AFF3: variants seen among roughly 807,000 people sequenced by gnomAD.
The protein encoded by AFF3 is AF4/FMR2 family member 3.
In AFF3, 32 loss-of-function variants were observed where a neutral mutation model predicts 129.7. The observed-to-expected ratio is 0.25, with a 90% confidence interval of 0.19 to 0.33. The LOEUF is 0.33. Among genes scored for constraint, AFF3 ranks in the 10% least tolerant of loss-of-function variants. AFF3 has a pLI of 1.00. For missense variants in AFF3, 1,373 were observed against 1,592.0 expected, an observed-to-expected ratio of 0.86 and a Z score of 2.34; for synonymous variants, 644 against 635.4, an observed-to-expected ratio of 1.01 and a Z score of -0.20.
chr2:99,755,908 G>A (rs1682059920), intron 8 of AFF3, among the ~76,000 whole-genome samples: 1 of 152,182 alleles, frequency 6.6e-6, no homozygotes. Flanking sequence ...AGAATCAATG[G>A]TAGGTCCATA....
intron 13 of AFF3, among the ~76,000 whole-genome samples, chr2:99,612,690 C>G (rs1681049255): frequency 6.6e-6 from 1 of 152,118 alleles, no homozygotes; most frequent in Admixed American, 6.5e-5. Flanking sequence ...TTTGCTGATG[C>G]TGGGTTTTGC....
intron 4 of AFF3, among the ~76,000 whole-genome samples, chr2:100,020,946 T>G (rs1404607113): frequency 6.6e-6 from 1 of 152,246 alleles, no homozygotes; most frequent in African/African-American, 2.4e-5. Flanking sequence ...GCCCTCAGGA[T>G]AGCATCTCAA....
intron 4 of AFF3, among the ~76,000 whole-genome samples, chr2:100,074,079 C>T (rs537326200): frequency 8.7e-4 from 133 of 152,318 alleles, no homozygotes; most frequent in African/African-American, 2.9e-3. Flanking sequence ...AACTCAGCCA[C>T]GGACCCAATG....
rs894805423 is a variant in AFF3 at position 99,593,512 on chromosome 2, T to A, written c.2149A>T (p.Ser717Cys). 2.5e-6 allele frequency: 4 copies of A among 1,613,204 alleles called. No homozygotes were observed. In the African/African-American group the frequency reaches 4.0e-5, roughly 16 times the overall value. The change falls in exon 15 of 25, where the codon AGT (serine) becomes TGT (cysteine). Residue 717 changes from serine to cysteine, a missense_variant. Coordinates refer to ENST00000672756, the MANE Select transcript of AFF3 (RefSeq NM_001386135.1). ...RLKEAAANGG[S>C]GPRAPVGSIN... ...GAGCCTACAGGGGCCCTAGGACCAC[T>A]GCCCCCGTTGGCAGCGGCCTCCTTC...
At chr2:100,100,867 G>C (rs1690673264) in intron 4 of AFF3, among the ~76,000 whole-genome samples, 1 of 152,242 alleles carries the variant, frequency 6.6e-6, no homozygotes, top group African/African-American at 2.4e-5. Flanking sequence ...GGAAGACCAG[G>C]GAGTGGAGGG....
intron 8 of AFF3, among the ~76,000 whole-genome samples, chr2:99,801,231 A>G (rs921384737): frequency 4.6e-5 from 7 of 152,162 alleles, no homozygotes; most frequent in African/African-American, 1.7e-4. Context: ...ACTTTCTGTA[A>G]GCTCCCAGCA....
intron 12 of AFF3, among the ~76,000 whole-genome samples, chr2:99,667,852 A>G (rs560909059): frequency 6.6e-6 from 1 of 152,246 alleles, no homozygotes; most frequent in East Asian, 1.9e-4. Context: ...GAGTAGCTCT[A>G]TAACTATTAA....
chr2:99,878,693 C>T (rs1692477020), intron 7 of AFF3, among the ~76,000 whole-genome samples: 1 of 152,040 alleles, frequency 6.6e-6, no homozygotes, highest in Admixed American at 6.6e-5. Context: ...CATCAATTCC[C>T]TAAGAAAACT....
chr2:100,052,577 C>T (rs1385700589), intron 4 of AFF3, among the ~76,000 whole-genome samples: 2 of 152,174 alleles, frequency 1.3e-5, no homozygotes, highest in Non-Finnish European at 2.9e-5. Context: ...TGTCCCCACT[C>T]TATGTGCAGG....
intron 4 of AFF3, among the ~76,000 whole-genome samples, chr2:100,103,120 T>C (rs1690871313): frequency 6.6e-6 from 1 of 152,236 alleles, no homozygotes; most frequent in Non-Finnish European, 1.5e-5. Context: ...GCTAGCTTTG[T>C]GTCCAGTTTA....
chr2:100,007,250 T>C lies in AFF3; in HGVS notation c.385A>G (p.Thr129Ala). Residue 129 changes from threonine to alanine, a missense_variant, in exon 6 of 25, where the codon ACA becomes GCA. Transcript: ENST00000672756. ...GGGACAGCTGCTGGTGTGGAAGTTG[T>C]AGTGCTACAGATAGACGAGGGCTGG... Reference protein sequence around the residue: ...QNQPSSICSTTTSTPAAVPVQ... With the variant: ...QNQPSSICSTATSTPAAVPVQ... 13 of 1,614,140 alleles carry C rather than the reference T, an allele frequency of 8.1e-6. No homozygotes were observed. The highest frequency in any genetic ancestry group is 1.0e-5 in the Non-Finnish European group (12 of 1,180,030).
At chr2:99,826,230 G>T (rs1688070079) in intron 8 of AFF3, among the ~76,000 whole-genome samples, 1 of 152,010 alleles carries the variant, frequency 6.6e-6, no homozygotes, top group Non-Finnish European at 1.5e-5. Context: ...GGCCAGGCTG[G>T]TCTCGACCTC....
rs774206783 is a variant in AFF3 at position 99,551,424 on chromosome 2, T to C, written c.*50A>G. On this transcript the variant is annotated 3_prime_UTR_variant, in exon 25 of 25. Transcript: ENST00000672756. ...TTCAGTAGCACAGTGTCCAAAAACG[T>C]TGAGCCATCTGTGGAGACCAGAGCC... The C allele has an allele frequency of 1.2e-6, 2 of 1,608,132 alleles. No homozygotes were observed. The highest frequency in any genetic ancestry group is 2.2e-5 in the East Asian group (1 of 44,772).
chr2:99,810,288 G>A (rs886792608), intron 8 of AFF3, among the ~76,000 whole-genome samples: 6 of 152,162 alleles, frequency 3.9e-5, no homozygotes, highest in Non-Finnish European at 7.3e-5. Context: ...GCATCCTCCC[G>A]GTTGCTATGC....
intron 12 of AFF3, among the ~76,000 whole-genome samples, chr2:99,655,265 C>G (rs113124918): frequency 2.9e-5 from 4 of 139,126 alleles, no homozygotes; most frequent in African/African-American, 8.1e-5. Context: ...CACACACACA[C>G]AGCAGTCTAC....
intron 9 of AFF3, among the ~76,000 whole-genome samples, chr2:99,748,390 C>T (rs184996225): frequency 4.1e-4 from 62 of 152,286 alleles, no homozygotes; most frequent in African/African-American, 1.4e-3. Flanking sequence ...CTCTACTAGG[C>T]CTGCAAGATT....
chr2:99,567,722 G>A (rs1676106543), intron 19 of AFF3, among the ~76,000 whole-genome samples: 1 of 152,228 alleles, frequency 6.6e-6, no homozygotes, highest in Non-Finnish European at 1.5e-5. Context: ...TTAGAGGTCA[G>A]TAGGGGACCA....
At chr2:99,812,556 C>T (rs1315234448) in intron 8 of AFF3, among the ~76,000 whole-genome samples, 1 of 152,148 alleles carries the variant, frequency 6.6e-6, no homozygotes, top group Admixed American at 6.5e-5. Context: ...AAAACATGGT[C>T]GTTGGTATCA....
intron 2 of AFF3, among the ~76,000 whole-genome samples, chr2:100,114,404 C>CA (rs1691645606): frequency 1.3e-5 from 2 of 152,190 alleles, no homozygotes; most frequent in African/African-American, 2.4e-5. Context: ...TTTTCTGAGA[C>CA]AGAGTCTCGT....
Sources: allele counts gnomAD v4.1 joint callset (sites outside exome capture counted in the v4.1 genomes callset), GRCh38; gene constraint gnomAD v4.1.1; transcripts MANE v1.5; gene names NCBI Gene and HGNC (gene_info 2026-07-23, HGNC 2026-07-21).